The following CCZ1 variants were observed in gnomAD, a reference collection of about 807,000 sequenced individuals.
CCZ1 encodes the protein vacuolar fusion protein CCZ1 homolog.
In CCZ1, 19 loss-of-function variants were observed where a neutral mutation model predicts 57.8. The observed-to-expected ratio is 0.33, with a 90% CI of 0.23 to 0.48. The LOEUF is 0.48. Ranked by LOEUF, CCZ1 falls within the 20% of genes least tolerant of loss-of-function variation. The pLI, the probability that CCZ1 is intolerant of heterozygous loss-of-function variation, is 0.99. For synonymous variants in CCZ1, 81 were observed against 167.0 expected, an observed-to-expected ratio of 0.49 and a Z score of 3.97; for missense variants, 200 against 492.0, an observed-to-expected ratio of 0.41 and a Z score of 5.61.
intron 8 of CCZ1, among the ~76,000 whole-genome samples, chr7:5,910,618 C>T (rs1370002422): frequency 1.4e-5 from 2 of 143,204 alleles, no homozygotes; most frequent in African/African-American, 5.1e-5. Flanking sequence ...GAGCCACCGC[C>T]CCCAGTCCAC....
chr7:5,910,711 TTTA>T (rs201447626), intron 8 of CCZ1, among the ~76,000 whole-genome samples: 21,454 of 119,066 alleles, frequency 0.18, 2,695 homozygotes, highest in East Asian at 0.61. Context: ...TTTTATTTTA[TTTA>T]TTTATTTATT....
chr7:5,899,385 T>TG (rs1314094356), intron 1 of CCZ1, among the ~76,000 whole-genome samples: 2 of 109,266 alleles, frequency 1.8e-5, no homozygotes, highest in African/African-American at 7.4e-5. Flanking sequence ...GTGTGTGTGG[T>TG]TTTTCTGAGG....
chr7:5,922,705 G>A (rs1341031738), intron 12 of CCZ1, among the ~76,000 whole-genome samples: 2 of 151,188 alleles, frequency 1.3e-5, no homozygotes, highest in Non-Finnish European at 2.9e-5. Flanking sequence ...TGGAAAAGGC[G>A]ACTGCGTTTT....
intron 7 of CCZ1, among the ~76,000 whole-genome samples, chr7:5,909,124 C>G (rs1444350341): frequency 7.2e-6 from 1 of 139,842 alleles, no homozygotes; most frequent in East Asian, 2.4e-4. Context: ...TTTTTTTTAT[C>G]TCAAATGGCA....
chr7:5,916,701 G>A (rs62453617), intron 10 of CCZ1, among the ~76,000 whole-genome samples: 21,398 of 143,494 alleles, frequency 0.15, 1,024 homozygotes, highest in African/African-American at 0.2. Flanking sequence ...TTGATTGGGG[G>A]TTGGCCACAG....
chr7:5,912,766 G>A, intron 9 of CCZ1, 77 bp from the exon 10 acceptor site: 2 of 1,125,010 alleles, frequency 1.8e-6, no homozygotes, highest in South Asian at 2.5e-5. Flanking sequence ...TGTATGAAGT[G>A]GGAGTGTGTT....
chr7:5,906,770 G>A (rs1781837137), intron 7 of CCZ1, among the ~76,000 whole-genome samples: 1 of 150,596 alleles, frequency 6.6e-6, no homozygotes. Flanking sequence ...ACAAGTTACT[G>A]TAAAGAAATT....
intron 10 of CCZ1, among the ~76,000 whole-genome samples, chr7:5,914,546 TTG>T (rs1360177743): frequency 6.8e-6 from 1 of 148,104 alleles, no homozygotes; most frequent in Non-Finnish European, 1.5e-5. Flanking sequence ...GTAGAGTTCT[TTG>T]CCATGCCAAG....
chr7:5,901,472 G>A lies in CCZ1; in HGVS notation c.391-185G>A, dbSNP rs1358727305. The A allele has an allele frequency of 2.9e-5, 29 of 985,864 alleles. 1 individual carries two copies. Among genetic ancestry groups the A allele is most frequent in the African/African-American group, 2.7e-4 (14 of 52,802 alleles). The allele number at this position is 985,864 out of a possible 1,614,324, so 61.1% of individuals were successfully genotyped here. ...TGCGCTCCAGCCTGGACAACAGAGC[G>A]AGACTCCATCTCAAAAAAAAAAAAA... On this transcript the variant is annotated intron_variant, in intron 4 of 14. Coordinates refer to ENST00000325974, the MANE Select transcript of CCZ1 (RefSeq NM_015622.6).
chr7:5,908,612 T>A (rs1380760555), intron 7 of CCZ1, among the ~76,000 whole-genome samples: 1 of 147,854 alleles, frequency 6.8e-6, no homozygotes, highest in South Asian at 2.3e-4. Context: ...ACCCCTGACC[T>A]TAGGTGATCT....
rs548535766 is a variant in CCZ1 at position 5,906,229 on chromosome 7, C to A, written c.698+960C>A. 3.5e-3 allele frequency among the ~76,000 whole-genome samples: 515 copies of A among 147,934 alleles called. 16 individuals are homozygous for A. The highest frequency in any genetic ancestry group is 5.8e-3 in the Non-Finnish European group (393 of 67,526). ...GCAACCGAGGTTGTGCACATTTGGC[C>A]TAGAGTAGGTGGACAGAAGTCATCA... is the stretch of plus-strand genomic sequence containing the variant. On this transcript the variant is annotated intron_variant, in intron 7 of 14. Coordinates refer to ENST00000325974, the MANE Select transcript of CCZ1 (RefSeq NM_015622.6).
intron 1 of CCZ1, among the ~76,000 whole-genome samples, chr7:5,899,737 C>A (rs1208589687): frequency 5.3e-5 from 8 of 151,384 alleles, no homozygotes; most frequent in Non-Finnish European, 1.0e-4. Context: ...CACTGCACTA[C>A]AGCCTGGGCA....
intron 8 of CCZ1, among the ~76,000 whole-genome samples, chr7:5,910,558 C>G (rs1781945831): frequency 1.4e-5 from 2 of 145,422 alleles, no homozygotes; most frequent in African/African-American, 5.0e-5. Flanking sequence ...GAACTCCTGA[C>G]CTTGTGATCT....
At chr7:5,907,457 A>T (rs1583184586) in intron 7 of CCZ1, among the ~76,000 whole-genome samples, 1 of 148,418 alleles carries the variant, frequency 6.7e-6, no homozygotes, top group African/African-American at 2.5e-5. Flanking sequence ...TTCCACCAAA[A>T]AGAGAAGGGT....
At chr7:5,904,088 ATTT>A (rs746657675) in intron 6 of CCZ1, among the ~76,000 whole-genome samples, 26 of 84,478 alleles carry the variant, frequency 3.1e-4, no homozygotes, top group Admixed American at 6.3e-4. Flanking sequence ...CAGGGAGTTA[ATTT>A]TTTTTTTTTT....
intron 5 of CCZ1, chr7:5,902,321 A>G (rs1337645284): frequency 4.2e-6 from 1 of 237,376 alleles, no homozygotes; most frequent in Non-Finnish European, 8.0e-6. Flanking sequence ...AAAAGGATAA[A>G]AAGTTTGGTG....
At chr7:5,903,921 G>T (rs546295328) in intron 6 of CCZ1, among the ~76,000 whole-genome samples, 1 of 141,654 alleles carries the variant, frequency 7.1e-6, no homozygotes, top group Non-Finnish European at 1.5e-5. Context: ...CTTGAACCCC[G>T]GAGGCGAGGT....
At chr7:5,906,212 G>C (rs1781816727) in intron 7 of CCZ1, among the ~76,000 whole-genome samples, 1 of 148,254 alleles carries the variant, frequency 6.7e-6, no homozygotes, top group Non-Finnish European at 1.5e-5. Flanking sequence ...TGGCAACCGA[G>C]GTTGTGCACA....
rs1554282244 is a variant in CCZ1, at chr7:5,910,706, TTTTATTTA to T, written c.780+629_780+636del. 6.9e-4 allele frequency among the ~76,000 whole-genome samples: 85 copies of T among 123,704 alleles called. 9 individuals carry two copies. The East Asian group carries it at 0.014, about 21-fold the overall frequency. 81.2% of individuals were successfully genotyped at this position (123,704 alleles called of 152,430 possible). On this transcript the variant is annotated intron_variant, in intron 8 of 14. Coordinates refer to ENST00000325974, the MANE Select transcript of CCZ1 (RefSeq NM_015622.6). ...CTTTACTTTTAATTTATGTATTTTA[TTTTATTTA>T]TTTATTTATTTATTTATTTATTTAT...
Sources: gnomAD v4.1 joint callset for allele counts (sites outside exome capture counted in the v4.1 genomes callset) on GRCh38, gnomAD v4.1.1 for gene constraint, MANE v1.5 for transcripts, NCBI Gene and HGNC (gene_info 2026-07-23, HGNC 2026-07-21) for gene names.